Variants in GRIA4 observed in about 807,000 individuals in gnomAD.
GRIA4 encodes the protein glutamate ionotropic receptor AMPA type subunit 4.
GRIA4 carries 34 observed loss-of-function variants against 104.0 expected under a neutral mutation model. That is an observed-to-expected ratio of 0.33 (90% CI 0.25 to 0.44). The LOEUF (loss-of-function observed/expected upper bound fraction) is 0.44. Ranked by LOEUF, GRIA4 falls within the 20% of genes least tolerant of loss-of-function variation. The pLI is 1.00. For missense variants in GRIA4, 750 were observed against 1,096.5 expected (o/e 0.68, Z 4.46); for synonymous variants, 386 against 381.9 (o/e 1.01, Z -0.13).
chr11:105,785,572 C>A (rs1941924303), intron 4 of GRIA4, among the ~76,000 whole-genome samples: 1 of 152,136 alleles, frequency 6.6e-6, no homozygotes, highest in Non-Finnish European at 1.5e-5. Flanking sequence ...GTACCTTAAA[C>A]TTTTAGTGTT....
At chr11:105,930,868 A>T (rs1237317877) in intron 13 of GRIA4, among the ~76,000 whole-genome samples, 2 of 152,154 alleles carry the variant, frequency 1.3e-5, no homozygotes, top group African/African-American at 4.8e-5. Flanking sequence ...TGTACATAGT[A>T]AAGTATACAA....
chr11:105,979,349 T>C (rs1565377937), intron 16 of GRIA4, among the ~76,000 whole-genome samples: 1 of 152,242 alleles, frequency 6.6e-6, no homozygotes, highest in Non-Finnish European at 1.5e-5. Context: ...AATTTTAGAA[T>C]TAGTTTTTCC....
chr11:105,674,658 G>T (rs1952479603), intron 3 of GRIA4, among the ~76,000 whole-genome samples: 1 of 151,792 alleles, frequency 6.6e-6, no homozygotes, highest in Non-Finnish European at 1.5e-5. Flanking sequence ...TAATATATGG[G>T]TGCTACTATA....
chr11:105,896,930 T>G (rs1288507323), intron 6 of GRIA4, among the ~76,000 whole-genome samples: 2 of 152,192 alleles, frequency 1.3e-5, no homozygotes, highest in Non-Finnish European at 2.9e-5. Flanking sequence ...GAATTGTTCT[T>G]TCTAGTTCTG....
intron 3 of GRIA4, among the ~76,000 whole-genome samples, chr11:105,632,078 T>G (rs1289391702): frequency 1.3e-5 from 2 of 152,068 alleles, no homozygotes; most frequent in Non-Finnish European, 2.9e-5. Flanking sequence ...TAGAAGCAAA[T>G]AAAATAAAAG....
intron 10 of GRIA4, chr11:105,913,227 A>G (rs1947306370): frequency 2.6e-6 from 1 of 388,040 alleles, no homozygotes; most frequent in Non-Finnish European, 3.5e-6. Context: ...ATTGAGAGAA[A>G]GCAGACCAGA....
At chr11:105,710,505 C>CA (rs1262735053) in intron 3 of GRIA4, among the ~76,000 whole-genome samples, 2 of 151,660 alleles carry the variant, frequency 1.3e-5, no homozygotes, top group African/African-American at 2.4e-5. Flanking sequence ...ATATAAATGT[C>CA]AAAAAAAGAG....
At chr11:105,950,286 A>G (rs762063516) in intron 14 of GRIA4, among the ~76,000 whole-genome samples, 2 of 152,204 alleles carry the variant, frequency 1.3e-5, no homozygotes, top group African/African-American at 2.4e-5. Flanking sequence ...AAATGAAAAT[A>G]TAAATATGAG....
At chr11:105,942,112 G>A (rs641574) in intron 14 of GRIA4, among the ~76,000 whole-genome samples, 95,688 of 151,742 alleles carry the variant, frequency 0.63, 30,278 homozygotes, top group Middle Eastern at 0.69. Context: ...AAATGAAACC[G>A]TGTATCCAGA....
chr11:105,618,262 A>G (rs1261235962), intron 3 of GRIA4, among the ~76,000 whole-genome samples: 1 of 152,066 alleles, frequency 6.6e-6, no homozygotes, highest in Non-Finnish European at 1.5e-5. Flanking sequence ...CACAATAATG[A>G]CATTAGCAAA....
chr11:105,664,189 G>A (rs548176918), intron 3 of GRIA4, among the ~76,000 whole-genome samples: 1 of 149,490 alleles, frequency 6.7e-6, no homozygotes, highest in Admixed American at 6.8e-5. Context: ...AGTCATGTGC[G>A]TGATTAGGAA....
At chr11:105,702,694 C>CTTTTT (rs1237776884) in intron 3 of GRIA4, among the ~76,000 whole-genome samples, 3 of 88,778 alleles carry the variant, frequency 3.4e-5, no homozygotes, top group Non-Finnish European at 4.4e-5. Flanking sequence ...ATTTTCCTTT[C>CTTTTT]TTTTTTTTTT....
chr11:105,754,384 A>G (rs1345691408), intron 4 of GRIA4, among the ~76,000 whole-genome samples: 1 of 152,204 alleles, frequency 6.6e-6, no homozygotes, highest in Non-Finnish European at 1.5e-5. Flanking sequence ...ACATATTAAA[A>G]TAATTGAGCC....
intron 3 of GRIA4, among the ~76,000 whole-genome samples, chr11:105,627,162 A>C (rs765957959): frequency 2.0e-5 from 3 of 152,184 alleles, no homozygotes; most frequent in Non-Finnish European, 4.4e-5. Context: ...AAGACGCATG[A>C]GATTCTGCTA....
chr11:105,951,516 C>A (rs1435750475), intron 14 of GRIA4, among the ~76,000 whole-genome samples: 1 of 152,110 alleles, frequency 6.6e-6, no homozygotes, highest in African/African-American at 2.4e-5. Context: ...AGGGAATGGC[C>A]TGAGGCAGGG....
chr11:105,814,306 G>A (rs915227513), intron 4 of GRIA4, among the ~76,000 whole-genome samples: 3 of 152,158 alleles, frequency 2.0e-5, no homozygotes, highest in African/African-American at 7.2e-5. Flanking sequence ...TCAAATAAAT[G>A]CTAGTAATTA....
At chr11:105,654,094 T>G (rs1276556815) in intron 3 of GRIA4, among the ~76,000 whole-genome samples, 1 of 147,538 alleles carries the variant, frequency 6.8e-6, no homozygotes, top group African/African-American at 2.5e-5. Context: ...TGGAAGACAT[T>G]AACTGAAATA....
intron 3 of GRIA4, among the ~76,000 whole-genome samples, chr11:105,704,113 C>T (rs1164931187): frequency 6.6e-6 from 1 of 152,012 alleles, no homozygotes; most frequent in African/African-American, 2.4e-5. Context: ...TGAGGGCCTA[C>T]AAGGTACAAA....
chr11:105,846,746 T>C (rs1243316474), intron 4 of GRIA4, among the ~76,000 whole-genome samples: 1 of 152,192 alleles, frequency 6.6e-6, no homozygotes, highest in Non-Finnish European at 1.5e-5. Context: ...ATCATCCTAA[T>C]GATGGAATCA....
Sources: allele counts gnomAD v4.1 joint callset (sites outside exome capture counted in the v4.1 genomes callset), GRCh38; gene constraint gnomAD v4.1.1; transcripts MANE v1.5; gene names NCBI Gene and HGNC (gene_info 2026-07-23, HGNC 2026-07-21).